The following NRG1 variants were observed in gnomAD, a reference collection of about 807,000 sequenced individuals.
The protein encoded by NRG1 is neuregulin 1, also known as pro-neuregulin-1, membrane-bound isoform.
A neutral mutation model predicts 63.8 loss-of-function variants in NRG1; 18 were observed. The ratio of observed to expected loss-of-function variants is 0.28; its 90% CI spans 0.19 to 0.42. The LOEUF is 0.42. NRG1 is among the 10% of genes least tolerant of loss of function. The pLI is 1.00. For missense variants in NRG1, 762 were observed against 814.7 expected, an observed-to-expected ratio of 0.94 and a Z score of 0.79; for synonymous variants, 302 against 301.3, an observed-to-expected ratio of 1.00 and a Z score of -0.02.
chr8:32,624,898 A>G (rs1473389191), intron 5 of NRG1, among the ~76,000 whole-genome samples: 1 of 152,162 alleles, frequency 6.6e-6, no homozygotes, highest in African/African-American at 2.4e-5. Context: ...AGTTTCTTTT[A>G]CCAGAGTAAT....
At chr8:32,422,032 GGTACAGT>G (rs1816759584) in intron 1 of NRG1, among the ~76,000 whole-genome samples, 1 of 152,050 alleles carries the variant, frequency 6.6e-6, no homozygotes, top group South Asian at 2.1e-4. Context: ...TTACCTTAGA[GGTACAGT>G]GTACATTATG....
chr8:32,115,941 G>A (rs1832659168), intron 1 of NRG1, among the ~76,000 whole-genome samples: 1 of 152,144 alleles, frequency 6.6e-6, no homozygotes, highest in African/African-American at 2.4e-5. Flanking sequence ...CAATCTGACT[G>A]ATGGGGCAAA....
At chr8:32,548,123 C>A, upstream of NRG1, 1 of 762,616 alleles carries the variant, frequency 1.3e-6, no homozygotes, top group Non-Finnish European at 1.6e-6. Flanking sequence ...GGAAAAGGGG[C>A]TGCGCCCGGG....
chr8:31,934,445 G>GTTTTTTT (rs1835133591), intron 1 of NRG1, among the ~76,000 whole-genome samples: 1 of 24,864 alleles, frequency 4.0e-5, no homozygotes, highest in African/African-American at 1.4e-4. Flanking sequence ...TTTTTTTTTA[G>GTTTTTTT]TTGGAGTCTC....
chr8:31,704,560 C>T (rs1585787411), intron 1 of NRG1, among the ~76,000 whole-genome samples: 1 of 151,934 alleles, frequency 6.6e-6, no homozygotes, highest in Non-Finnish European at 1.5e-5. Context: ...GGGCTGGGCG[C>T]GGTGGCTCAT....
chr8:31,734,262 G>C (rs1814425046), intron 1 of NRG1, among the ~76,000 whole-genome samples: 1 of 152,120 alleles, frequency 6.6e-6, no homozygotes, highest in Admixed American at 6.6e-5. Flanking sequence ...GGAGTTCAAG[G>C]CTGTAGTGGA....
At chr8:32,683,887 GAA>G (rs1216006912) in intron 5 of NRG1, among the ~76,000 whole-genome samples, 9,353 of 141,696 alleles carry the variant, frequency 0.066, 392 homozygotes, top group Non-Finnish European at 0.094. Context: ...TTTGCTTCTT[GAA>G]AAAAAAAAAA....
intron 1 of NRG1, among the ~76,000 whole-genome samples, chr8:32,080,701 T>C (rs1271308318): frequency 6.6e-6 from 1 of 151,288 alleles, no homozygotes; most frequent in African/African-American, 2.4e-5. Context: ...GCATGCTAGG[T>C]GAGATATGGC....
intron 1 of NRG1, among the ~76,000 whole-genome samples, chr8:32,185,418 C>G (rs1032093847): frequency 2.0e-5 from 3 of 152,158 alleles, no homozygotes; most frequent in Non-Finnish European, 2.9e-5. Context: ...GTGATCTTTA[C>G]ATTTTGCCTC....
intron 1 of NRG1, among the ~76,000 whole-genome samples, chr8:32,370,689 C>T (rs1234533171): frequency 1.3e-5 from 2 of 151,282 alleles, no homozygotes; most frequent in Non-Finnish European, 2.9e-5. Flanking sequence ...GAAACCCTGT[C>T]GCTACTGAAA....
chr8:32,138,764 C>T (rs1035878102), intron 1 of NRG1, among the ~76,000 whole-genome samples: 38 of 152,030 alleles, frequency 2.5e-4, no homozygotes, highest in African/African-American at 8.2e-4. Flanking sequence ...AACAGGGTTT[C>T]ACCATATTGG....
At chr8:32,383,312 A>C (rs1391747873) in intron 1 of NRG1, among the ~76,000 whole-genome samples, 1 of 152,180 alleles carries the variant, frequency 6.6e-6, no homozygotes, top group East Asian at 1.9e-4. Context: ...GAGTGAAATC[A>C]CATGAAACTT....
At chr8:31,782,763 T>A (rs1819812193) in intron 1 of NRG1, among the ~76,000 whole-genome samples, 1 of 152,154 alleles carries the variant, frequency 6.6e-6, no homozygotes, top group African/African-American at 2.4e-5. Flanking sequence ...CGACAGAGGA[T>A]CTCGTTAAAA....
chr8:31,851,753 C>A, intron 1 of NRG1, among the ~76,000 whole-genome samples: 1 of 109,700 alleles, frequency 9.1e-6, no homozygotes, highest in Admixed American at 1.1e-4. Flanking sequence ...TGCCATCCCT[C>A]CCCCCTCCCC....
intron 1 of NRG1, among the ~76,000 whole-genome samples, chr8:32,248,065 A>C (rs1019969246): frequency 1.3e-5 from 2 of 152,116 alleles, no homozygotes; most frequent in Non-Finnish European, 2.9e-5. Flanking sequence ...ACGTCTATTC[A>C]GCTTTTGTCC....
At chr8:31,728,301 T>A (rs1813659757) in intron 1 of NRG1, among the ~76,000 whole-genome samples, 1 of 152,036 alleles carries the variant, frequency 6.6e-6, no homozygotes, top group Admixed American at 6.6e-5. Flanking sequence ...CCGTCTCTAC[T>A]AAAAATACAA....
At chr8:32,545,800 T>C (rs897454044), upstream of NRG1, among the ~76,000 whole-genome samples, 19 of 152,210 alleles carry the variant, frequency 1.2e-4, no homozygotes, top group African/African-American at 3.9e-4. Context: ...AGAATTCAGC[T>C]ACAAGTGATA....
intron 1 of NRG1, among the ~76,000 whole-genome samples, chr8:32,093,538 A>G (rs1199009394): frequency 6.6e-6 from 1 of 152,216 alleles, no homozygotes; most frequent in Non-Finnish European, 1.5e-5. Context: ...CTTCCAAGGT[A>G]CAAGTTCTTT....
At position 32,683,030 on chromosome 8, in the gene NRG1, C is replaced by T. The variant is rs569030833; in HGVS notation, c.503-44919C>T. On this transcript the variant is annotated intron_variant, in intron 5 of 11. Coordinates refer to ENST00000356819, the Ensembl canonical transcript of NRG1. ...ATTTAGAGAAGGCAATTTTAGTTTA[C>T]CTCTATTGCTTAAAGGCTTTAGCTA... Among the ~76,000 whole-genome samples the T allele has an allele frequency of 5.3e-5, 8 of 152,130 alleles. No individual in the cohort carries two copies. In the South Asian group the frequency reaches 1.7e-3, roughly 32 times the overall value.
Sources: gnomAD v4.1 joint callset for allele counts (sites outside exome capture counted in the v4.1 genomes callset) on GRCh38, gnomAD v4.1.1 for gene constraint, MANE v1.5 for transcripts, NCBI Gene and HGNC (gene_info 2026-07-23, HGNC 2026-07-21) for gene names.